GNAZ: variants seen among roughly 807,000 people sequenced by gnomAD.
GNAZ encodes the protein guanine nucleotide-binding protein G(z) subunit alpha.
In GNAZ, 3 loss-of-function variants were observed where a neutral mutation model predicts 25.4. The ratio of observed to expected loss-of-function variants is 0.12; its 90% confidence interval spans 0.05 to 0.30. The LOEUF (loss-of-function observed/expected upper bound fraction) is 0.30. Ranked by LOEUF, GNAZ falls within the 10% of genes least tolerant of loss-of-function variation. GNAZ has a pLI of 1.00. For synonymous variants in GNAZ, 211 were observed against 205.7 expected (o/e 1.03, Z -0.22); for missense variants, 241 against 501.8 (o/e 0.48, Z 4.97).
At chr22:23,108,868 G>A (rs2069561043) in intron 2 of GNAZ, among the ~76,000 whole-genome samples, 1 of 152,258 alleles carries the variant, frequency 6.6e-6, no homozygotes, top group Admixed American at 6.5e-5. Context: ...GTACTCTGAA[G>A]TCAGGGTTTT....
chr22:23,082,205 TG>T (rs1253880337), intron 1 of GNAZ, among the ~76,000 whole-genome samples: 1 of 151,178 alleles, frequency 6.6e-6, no homozygotes, highest in Non-Finnish European at 1.5e-5. Context: ...TTTTTCGTTG[TG>T]TTTTTTTGTT....
At chr22:23,116,549 A>G (rs1601830905) in intron 2 of GNAZ, among the ~76,000 whole-genome samples, 1 of 152,242 alleles carries the variant, frequency 6.6e-6, no homozygotes, top group African/African-American at 2.4e-5. Context: ...CCTGTGAGGC[A>G]GGGACAGGAA....
chr22:23,080,421 A>G (rs1303557631), intron 1 of GNAZ, among the ~76,000 whole-genome samples: 1 of 152,338 alleles, frequency 6.6e-6, no homozygotes, highest in East Asian at 1.9e-4. Context: ...TGGGAGGCCC[A>G]GCCGGGGCAT....
chr22:23,073,925 G>A (rs1423634528), intron 1 of GNAZ, among the ~76,000 whole-genome samples: 1 of 151,776 alleles, frequency 6.6e-6, no homozygotes, highest in Non-Finnish European at 1.5e-5. Context: ...TGGGGGACAC[G>A]AGATGGGGGT....
intron 1 of GNAZ, among the ~76,000 whole-genome samples, chr22:23,088,278 T>G (rs981357846): frequency 2.0e-5 from 3 of 152,178 alleles, no homozygotes; most frequent in African/African-American, 7.2e-5. Flanking sequence ...CTCCTGCTGG[T>G]CCCTGCATGC....
At chr22:23,082,485 C>T (rs1266627173) in intron 1 of GNAZ, among the ~76,000 whole-genome samples, 1 of 151,442 alleles carries the variant, frequency 6.6e-6, no homozygotes, top group Middle Eastern at 3.4e-3. Flanking sequence ...TCCCAAAGTG[C>T]TGGGATTACA....
Position 23,124,731 on chromosome 22 carries a change from TGAGG to T in GNAZ, c.*1305_*1308del. ...TGAAGGCACAGCCAGCGTTGTGGCC[TGAGG>T]GAGGCCCTGCTGGGACCCTGATCTG... On this transcript the variant is annotated 3_prime_UTR_variant, in exon 3 of 3. Transcript: ENST00000615612. 5.8e-6 allele frequency: 1 copy of T among 172,876 alleles called. No individual in the cohort carries two copies. The highest frequency in any genetic ancestry group is 1.7e-4 in the East Asian group (1 of 5,764). The allele number at this position is 172,876 out of a possible 1,614,324, so 10.7% of individuals were successfully genotyped here.
intron 1 of GNAZ, among the ~76,000 whole-genome samples, chr22:23,078,643 G>A (rs2068578646): frequency 6.6e-6 from 1 of 152,276 alleles, no homozygotes; most frequent in African/African-American, 2.4e-5. Flanking sequence ...AGGGACCACA[G>A]GGAATGGGCT....
intron 1 of GNAZ, among the ~76,000 whole-genome samples, chr22:23,081,938 A>T (rs976364015): frequency 2.0e-5 from 3 of 151,694 alleles, no homozygotes; most frequent in Non-Finnish European, 4.4e-5. Context: ...ATCCTGGCTA[A>T]CACAGTGAAA....
At chr22:23,072,514 C>T (rs1165285386) in intron 1 of GNAZ, among the ~76,000 whole-genome samples, 1 of 152,214 alleles carries the variant, frequency 6.6e-6, no homozygotes, top group African/African-American at 2.4e-5. Context: ...TCAGCTCCCT[C>T]ATTTCTGGGG....
chr22:23,077,730 G>A (rs1195224091), intron 1 of GNAZ, among the ~76,000 whole-genome samples: 1 of 152,162 alleles, frequency 6.6e-6, no homozygotes, highest in Non-Finnish European at 1.5e-5. Flanking sequence ...TTCCCCAGAG[G>A]CAAAGCTGGG....
intron 2 of GNAZ, among the ~76,000 whole-genome samples, chr22:23,116,078 T>A (rs771972358): frequency 9.2e-5 from 14 of 152,246 alleles, no homozygotes; most frequent in Non-Finnish European, 1.2e-4. Flanking sequence ...CCAGCCTCTG[T>A]CATGTGCTCA....
intron 2 of GNAZ, among the ~76,000 whole-genome samples, chr22:23,119,610 G>A (rs573199195): frequency 9.2e-5 from 14 of 152,344 alleles, no homozygotes; most frequent in African/African-American, 3.4e-4. Flanking sequence ...TACAGGATGG[G>A]CACCCACCAT....
intron 2 of GNAZ, among the ~76,000 whole-genome samples, chr22:23,113,201 A>C (rs1034039132): frequency 1.3e-5 from 2 of 152,196 alleles, no homozygotes; most frequent in South Asian, 4.1e-4. Context: ...ACGTTGGCTA[A>C]ACTGCATCTT....
intron 2 of GNAZ, among the ~76,000 whole-genome samples, chr22:23,104,703 C>A (rs2069409711): frequency 6.6e-6 from 1 of 152,114 alleles, no homozygotes; most frequent in Admixed American, 6.5e-5. Flanking sequence ...CCCTAGTAAC[C>A]AGTGTAGATG....
chr22:23,104,142 C>T (rs2069388410), intron 2 of GNAZ, among the ~76,000 whole-genome samples: 1 of 151,312 alleles, frequency 6.6e-6, no homozygotes, highest in African/African-American at 2.4e-5. Flanking sequence ...AAAGGCAGGA[C>T]TGAGGGGGCT....
At chr22:23,082,428 T>C (rs1008255539) in intron 1 of GNAZ, among the ~76,000 whole-genome samples, 13 of 151,112 alleles carry the variant, frequency 8.6e-5, no homozygotes, top group Non-Finnish European at 1.8e-4. Context: ...TTCACCATGT[T>C]GGCCAGGCTG....
chr22:23,122,618 G>T, intron 2 of GNAZ: 1 of 168,484 alleles, frequency 5.9e-6, no homozygotes, highest in Admixed American at 5.5e-5. Flanking sequence ...CCAGAACCCA[G>T]ATAGGGCACA....
intron 2 of GNAZ, among the ~76,000 whole-genome samples, chr22:23,107,632 C>T (rs1010216667): frequency 6.6e-6 from 1 of 151,990 alleles, no homozygotes; most frequent in Non-Finnish European, 1.5e-5. Flanking sequence ...AGCAGGGGTC[C>T]CAAGCACAGT....
Sources: gnomAD v4.1 joint callset for allele counts (sites outside exome capture counted in the v4.1 genomes callset) on GRCh38, gnomAD v4.1.1 for gene constraint, MANE v1.5 for transcripts, NCBI Gene and HGNC (gene_info 2026-07-23, HGNC 2026-07-21) for gene names.